GMDS: variants seen among roughly 807,000 people sequenced by gnomAD.
GMDS encodes GDP-mannose 4,6 dehydratase.
A neutral mutation model predicts 49.9 loss-of-function variants in GMDS; 20 were observed. That is an observed-to-expected ratio of 0.40 (90% confidence interval 0.28 to 0.58). The LOEUF (loss-of-function observed/expected upper bound fraction) is 0.58. Among genes scored for constraint, GMDS ranks in the 20% least tolerant of loss-of-function variants. The pLI is 0.42. For missense variants in GMDS, 362 were observed against 481.4 expected (o/e 0.75, Z 2.32); for synonymous variants, 177 against 178.6 (o/e 0.99, Z 0.07).
At chr6:1,716,594 G>A (rs185201917) in intron 9 of GMDS, among the ~76,000 whole-genome samples, 1 of 152,302 alleles carries the variant, frequency 6.6e-6, no homozygotes, top group Non-Finnish European at 1.5e-5. Context: ...TGCTGGCTGC[G>A]TGAGAGAAGG....
chr6:2,201,245 T>A (rs1249968169), intron 1 of GMDS, among the ~76,000 whole-genome samples: 2 of 118,166 alleles, frequency 1.7e-5, no homozygotes, highest in Non-Finnish European at 3.5e-5. Flanking sequence ...ATCTAGGCAG[T>A]GAGGGCAGCA....
chr6:1,770,522 T>C (rs893538394), intron 7 of GMDS, among the ~76,000 whole-genome samples: 1 of 152,218 alleles, frequency 6.6e-6, no homozygotes, highest in Non-Finnish European at 1.5e-5. Context: ...GATGGCCGTT[T>C]CCTCCTTGGT....
chr6:1,889,878 G>C (rs1451436159), intron 7 of GMDS, among the ~76,000 whole-genome samples: 1 of 152,024 alleles, frequency 6.6e-6, no homozygotes, highest in Non-Finnish European at 1.5e-5. Context: ...GTTGCCTTTT[G>C]GGTCTATCTT....
At chr6:2,086,151 C>T (rs1476917066) in intron 4 of GMDS, among the ~76,000 whole-genome samples, 2 of 152,298 alleles carry the variant, frequency 1.3e-5, no homozygotes, top group East Asian at 3.9e-4. Context: ...TTCTTCCAGA[C>T]ATGACATGTA....
intron 9 of GMDS, among the ~76,000 whole-genome samples, chr6:1,665,141 A>G (rs1357783266): frequency 2.0e-5 from 3 of 152,196 alleles, no homozygotes; most frequent in African/African-American, 7.2e-5. Context: ...GTACATGTGC[A>G]CAATGTGCAG....
At chr6:1,630,150 C>T (rs1762956291) in intron 9 of GMDS, among the ~76,000 whole-genome samples, 1 of 152,190 alleles carries the variant, frequency 6.6e-6, no homozygotes, top group Non-Finnish European at 1.5e-5. Context: ...TCATAAGCTA[C>T]ACAGACAACA....
chr6:1,624,384 C>T, intron 10 of GMDS, 88 bp downstream of exon 10: 1 of 1,329,702 alleles, frequency 7.5e-7, no homozygotes, highest in Non-Finnish European at 1.1e-6. Context: ...TTGGGCATCG[C>T]AGGCGCCTCA....
chr6:1,870,592 T>C (rs1758686822), intron 7 of GMDS, among the ~76,000 whole-genome samples: 2 of 152,186 alleles, frequency 1.3e-5, no homozygotes, highest in South Asian at 4.1e-4. Flanking sequence ...TTTTGTCTTT[T>C]AAGGGAAGGA....
At chr6:1,845,909 G>T (rs186708273) in intron 7 of GMDS, among the ~76,000 whole-genome samples, 76 of 152,090 alleles carry the variant, frequency 5.0e-4, no homozygotes, top group Non-Finnish European at 9.4e-4. Flanking sequence ...GGCTCAGGGG[G>T]TTGGGGACCC....
chr6:1,980,706 T>C (rs576614503), intron 4 of GMDS, among the ~76,000 whole-genome samples: 4 of 152,284 alleles, frequency 2.6e-5, no homozygotes, highest in Non-Finnish European at 5.9e-5. Flanking sequence ...GAGGATCTGA[T>C]AGATATTTAC....
intron 9 of GMDS, among the ~76,000 whole-genome samples, chr6:1,691,416 C>T (rs1032838411): frequency 6.6e-6 from 1 of 152,130 alleles, no homozygotes; most frequent in Admixed American, 6.5e-5. Context: ...GGCCTTAATA[C>T]TTAGGTGATG....
At chr6:2,046,064 C>A (rs953603044) in intron 4 of GMDS, among the ~76,000 whole-genome samples, 1 of 151,960 alleles carries the variant, frequency 6.6e-6, no homozygotes, top group Non-Finnish European at 1.5e-5. Flanking sequence ...TAAAAACAAG[C>A]CAGGAGTGGT....
At chr6:2,126,702 G>A (rs1775466061) in intron 1 of GMDS, among the ~76,000 whole-genome samples, 1 of 151,964 alleles carries the variant, frequency 6.6e-6, no homozygotes, top group East Asian at 1.9e-4. Context: ...TGCTGTTATC[G>A]TGGCTCACTG....
intron 7 of GMDS, among the ~76,000 whole-genome samples, chr6:1,758,371 A>G (rs1356070872): frequency 6.6e-6 from 1 of 152,144 alleles, no homozygotes; most frequent in Non-Finnish European, 1.5e-5. Flanking sequence ...CAGGCACTTG[A>G]CGTTTGAATG....
intron 1 of GMDS, among the ~76,000 whole-genome samples, chr6:2,220,217 C>T (rs958686376): frequency 6.6e-6 from 1 of 152,152 alleles, no homozygotes; most frequent in Admixed American, 6.5e-5. Context: ...CTCAATTTCC[C>T]GGTCCTTCAA....
Position 2,023,635 on chromosome 6 carries a change from A to G in GMDS, c.346-62669T>C, listed in dbSNP as rs577062981. 2.0e-5 allele frequency among the ~76,000 whole-genome samples: 3 copies of G among 152,370 alleles called. No individual in the cohort carries two copies. The South Asian group carries it at 6.2e-4, about 32-fold the overall frequency. On this transcript the variant is annotated intron_variant, in intron 4 of 10. Transcript: ENST00000380815. The stretch of plus-strand genomic sequence containing the variant: ...TCAAAGAGGTACAAGAAGGAAGTAA[A>G]GCCACAGGCAAGAAAAGGTAGATTT...
rs139259419 is a variant in GMDS, at chr6:1,758,043, A to C, written c.772-15457T>G. 6.6e-3 allele frequency among the ~76,000 whole-genome samples: 1,010 copies of C among 152,352 alleles called. 13 individuals are homozygous for C. The highest frequency in any genetic ancestry group is 0.023 in the African/African-American group (966 of 41,582). On this transcript the variant is annotated intron_variant, in intron 7 of 10. Transcript: ENST00000380815. ...CAGAAGAGGCACAATTTGAGTGCTC[A>C]GCAGACACACAAGGCTGTGGCTACC...
At chr6:1,678,466 A>G (rs796533510) in intron 9 of GMDS, among the ~76,000 whole-genome samples, 20 of 152,344 alleles carry the variant, frequency 1.3e-4, no homozygotes, top group African/African-American at 4.6e-4. Flanking sequence ...GGAACCAGGA[A>G]GAGCTGCTGA....
In GMDS at chr6:1,767,954, G is replaced by A. The variant is rs373176278; in HGVS notation, c.772-25368C>T. On this transcript the variant is annotated intron_variant, in intron 7 of 10. Coordinates refer to ENST00000380815, the MANE Select transcript of GMDS (RefSeq NM_001500.4). ...ACTCTCTTCTCGGTGACAGTTCACCGACTATACTGCCAGCTATGTTATGCA... is the reference window on the plus strand; with the variant it reads ...ACTCTCTTCTCGGTGACAGTTCACCAACTATACTGCCAGCTATGTTATGCA... 7.9e-5 allele frequency among the ~76,000 whole-genome samples: 12 copies of A among 152,134 alleles called. No homozygotes were observed. The East Asian group carries it at 1.4e-3, about 17-fold the overall frequency.
Sources: gnomAD v4.1 joint callset for allele counts (sites outside exome capture counted in the v4.1 genomes callset) on GRCh38, gnomAD v4.1.1 for gene constraint, MANE v1.5 for transcripts, NCBI Gene and HGNC (gene_info 2026-07-23, HGNC 2026-07-21) for gene names.